MOGAT3: variants seen among roughly 807,000 people sequenced by gnomAD.
The protein encoded by MOGAT3 is 2-acylglycerol O-acyltransferase 3.
A neutral mutation model predicts 34.4 loss-of-function variants in MOGAT3; 39 were observed. The ratio of observed to expected loss-of-function variants is 1.13; its 90% CI spans 0.88 to 1.48. The LOEUF is 1.48. Among genes scored for constraint, MOGAT3 ranks in the 40% most tolerant of loss-of-function variants. MOGAT3 has a pLI of 0.00. For synonymous variants in MOGAT3, 209 were observed against 179.2 expected (o/e 1.17, Z -1.33); for missense variants, 439 against 438.9 (o/e 1.00, Z 0.00).
chr7:101,199,000 GT>G (rs56137538), intron 3 of MOGAT3, among the ~76,000 whole-genome samples, 170 bp from the exon 4 acceptor site: 58,631 of 100,056 alleles, frequency 0.59, 15,563 homozygotes, highest in East Asian at 0.71. Context: ...AAGGGCCCAG[GT>G]TTTTTTTTTT....
chr7:101,198,277 C>T lies in MOGAT3; in HGVS notation c.582G>A (p.Ala194=). ...GQAVVIMVGG[A]HEALYSVPGE... Reference sequence around the variant, plus strand: ...CGGGGACTGAATACAGGGCCTCGTGCGCACCCCCCACCATGATGACCACGG... The same window carrying T: ...CGGGGACTGAATACAGGGCCTCGTGTGCACCCCCCACCATGATGACCACGG... The change falls in exon 5 of 7, where the codon GCG becomes GCA. Residue 194 remains alanine (A), a synonymous_variant. Transcript: ENST00000223114. 2 of 1,610,216 alleles carry T rather than the reference C, an allele frequency of 1.2e-6. No individual in the cohort carries two copies. The highest frequency in any genetic ancestry group is 1.1e-5 in the South Asian group (1 of 90,760).
chr7:101,200,103 A>G, intron 3 of MOGAT3, 131 bp downstream of exon 3: 1 of 745,638 alleles, frequency 1.3e-6, no homozygotes, highest in South Asian at 1.6e-5. Context: ...AAAAAAAAAA[A>G]TCCATTCCCT....
At position 101,198,711 on chromosome 7, in the gene MOGAT3, C is replaced by A; in HGVS notation, c.408G>T (p.Gln136His). The change falls in exon 4 of 7, where the codon CAG becomes CAT. Residue 136 changes from glutamine (Q) to histidine (H), a missense_variant. Coordinates refer to ENST00000223114, the MANE Select transcript of MOGAT3 (RefSeq NM_178176.4). ...NFSTESNGFS[Q>H]LFPGLRPWLA... is the part of the protein sequence containing the mutation. ...ACCAGGGCCGGAGCCCCGGGAAGAGCTGGGAGAAGCCATTGCTCTCGGTGG... is the reference window on the plus strand; with the variant it reads ...ACCAGGGCCGGAGCCCCGGGAAGAGATGGGAGAAGCCATTGCTCTCGGTGG... 6.2e-7 allele frequency: 1 copy of A among 1,613,736 alleles called. No individual in the cohort carries two copies. Among genetic ancestry groups the A allele is most frequent in the Non-Finnish European group, 8.5e-7 (1 of 1,180,002 alleles).
At position 101,198,254 on chromosome 7, in the gene MOGAT3, G is replaced by A; in HGVS notation, c.605C>T (p.Pro202Leu). 2.5e-6 allele frequency: 4 copies of A among 1,613,604 alleles called. No individual in the cohort carries two copies. The highest frequency in any genetic ancestry group is 3.4e-6 in the Non-Finnish European group (4 of 1,179,754). ...GGAHEALYSV[P>L]GEHCLTLQKR... is the part of the protein sequence containing the mutation. The stretch of plus-strand genomic sequence containing the variant: ...CTGGAGCGTAAGGCAGTGCTCCCCG[G>A]GGACTGAATACAGGGCCTCGTGCGC... The change falls in exon 5 of 7, where the codon CCC becomes CTC. Residue 202 changes from proline (P) to leucine (L), a missense_variant. Pro to Leu is a moderately conservative substitution (Grantham distance 98). Coordinates refer to ENST00000223114, the MANE Select transcript of MOGAT3 (RefSeq NM_178176.4).
downstream of MOGAT3, among the ~76,000 whole-genome samples, chr7:101,193,620 G>A (rs1433248004): frequency 6.6e-6 from 1 of 151,992 alleles, no homozygotes; most frequent in African/African-American, 2.4e-5. Context: ...GTAGAGACGG[G>A]GTTCACTATG....
In MOGAT3 at chr7:101,198,681, G is replaced by T. The variant is rs770768928; in HGVS notation, c.438C>A (p.Ala146=). 3.7e-5 allele frequency: 60 copies of T among 1,613,420 alleles called. No individual in the cohort carries two copies. The highest frequency in any genetic ancestry group is 5.1e-5 in the Non-Finnish European group (60 of 1,180,022). ...GGAGGTAGAAGAGGCCAGCCAGCAC[G>T]GCTAACCAGGGCCGGAGCCCCGGGA... The part of the protein sequence containing the change: ...QLFPGLRPWL[A]VLAGLFYLPV... The change falls in exon 4 of 7, where the codon GCC becomes GCA. Residue 146 remains alanine, a synonymous_variant. Transcript: ENST00000223114.
At position 101,198,177 on chromosome 7, in the gene MOGAT3, G is replaced by T; in HGVS notation, c.668+14C>A. 6.2e-7 allele frequency: 1 copy of T among 1,604,584 alleles called. No individual in the cohort carries two copies. The highest frequency in any genetic ancestry group is 8.5e-7 in the Non-Finnish European group (1 of 1,174,894). Reference sequence around the variant, plus strand: ...AGCAGAGAACTGACAGGTAGGGCCTGCACGCGCACTCACCCGTGCCTCAGC... The same window carrying T: ...AGCAGAGAACTGACAGGTAGGGCCTTCACGCGCACTCACCCGTGCCTCAGC... On this transcript the variant is annotated intron_variant, in intron 5 of 6. Coordinates refer to ENST00000223114, the MANE Select transcript of MOGAT3 (RefSeq NM_178176.4).
intron 5 of MOGAT3, among the ~76,000 whole-genome samples, chr7:101,197,826 C>T (rs989520816): frequency 1.3e-5 from 2 of 152,122 alleles, no homozygotes; most frequent in South Asian, 4.1e-4. Flanking sequence ...CGAGACCACG[C>T]CTTTGCACTC....
chr7:101,193,006 A>T (rs967301571), downstream of MOGAT3, among the ~76,000 whole-genome samples: 2 of 152,126 alleles, frequency 1.3e-5, no homozygotes, highest in Non-Finnish European at 2.9e-5. Context: ...TGAACCCGGG[A>T]GGCGGAGCTT....
At chr7:101,193,522 G>A (rs889976058), downstream of MOGAT3, among the ~76,000 whole-genome samples, 5 of 151,596 alleles carry the variant, frequency 3.3e-5, no homozygotes, top group Admixed American at 6.6e-5. Flanking sequence ...CTCCGCCTCC[G>A]GGTTCAAGCG....
Position 101,195,530 on chromosome 7 carries a change from AGTCTTTT to A in MOGAT3, c.*409_*415del, listed in dbSNP as rs1797754212. The A allele has an allele frequency of 7.3e-6, 1 of 136,466 alleles. No homozygotes were observed. The highest frequency in any genetic ancestry group is 1.4e-5 in the Non-Finnish European group (1 of 69,816). The allele number at this position is 136,466 out of a possible 1,614,324, so 8.5% of individuals were successfully genotyped here. A position where few individuals can be genotyped will look rare whatever the true frequency, so the allele number is the denominator to read the frequency against. On this transcript the variant is annotated 3_prime_UTR_variant, in exon 7 of 7. Transcript: ENST00000223114. ...ACGCCCAGCCTACTACAGCTTTAAC[AGTCTTTT>A]TTTTTTTTTTTTTTTTTTTTTTGAG...
In MOGAT3 at chr7:101,200,533, A is replaced by C; in HGVS notation, c.110-18T>G. ...GAAAGGGCCTGGGGGAAGGGAGAGA[A>C]AGAAAAGAGTTCACTTCTGAAACTC... On this transcript the variant is annotated intron_variant, in intron 1 of 6. Transcript: ENST00000223114. 1 of 1,543,854 alleles carries C rather than the reference A, an allele frequency of 6.5e-7. No homozygotes were observed. Among genetic ancestry groups the C allele is most frequent in the South Asian group, 1.2e-5 (1 of 85,630 alleles).
downstream of MOGAT3, among the ~76,000 whole-genome samples, chr7:101,194,646 C>T (rs991260850): frequency 6.0e-5 from 9 of 150,988 alleles, no homozygotes; most frequent in African/African-American, 1.2e-4. Flanking sequence ...GGACTACAGG[C>T]GCCCGCCACC....
Position 101,200,501 on chromosome 7 carries a change from G to C in MOGAT3, c.124C>G (p.Leu42Val). 6.3e-7 allele frequency: 1 copy of C among 1,596,202 alleles called. No individual in the cohort carries two copies. Among genetic ancestry groups the C allele is most frequent in the Non-Finnish European group, 8.5e-7 (1 of 1,170,874 alleles). Reference sequence around the variant, plus strand: ...GTGAAGAGGAGGACAAAGACAAGAAGGGAGAAGAAAGGGCCTGGGGGAAGG... The same window carrying C: ...GTGAAGAGGAGGACAAAGACAAGAACGGAGAAGAAAGGGCCTGGGGGAAGG... ...TFLFMGPFFSLLVFVLLFTSL... is the reference protein window; with the variant it reads ...TFLFMGPFFSVLVFVLLFTSL... The change falls in exon 2 of 7, where the codon CTT (leucine) becomes GTT (valine). Residue 42 changes from leucine to valine, a missense_variant. Transcript: ENST00000223114.
At chr7:101,198,517 G>A in intron 4 of MOGAT3, 109 bp downstream of exon 4, 2 of 1,338,614 alleles carry the variant, frequency 1.5e-6, no homozygotes, top group South Asian at 1.4e-5. Flanking sequence ...TGCTCAGGCT[G>A]GCCCCTGTCC....
chr7:101,196,420 C>T, intron 5 of MOGAT3, 31 bp from the exon 6 acceptor site: 1 of 1,561,344 alleles, frequency 6.4e-7, no homozygotes, highest in Non-Finnish European at 8.7e-7. Context: ...AGAGGGGGCT[C>T]AGGCTGCTGG....
chr7:101,198,020 C>G (rs908601418), intron 5 of MOGAT3, among the ~76,000 whole-genome samples, 171 bp downstream of exon 5: 1 of 152,196 alleles, frequency 6.6e-6, no homozygotes, highest in Non-Finnish European at 1.5e-5. Context: ...TAAGCGGGCC[C>G]CATGTTTGGT....
chr7:101,198,582 T>C (rs3735337), intron 4 of MOGAT3, 44 bp downstream of exon 4: 1 of 1,574,320 alleles, frequency 6.4e-7, no homozygotes, highest in African/African-American at 1.4e-5. Flanking sequence ...GGGGAACATC[T>C]GGTCAGGAGT....
rs1297420907 is a variant in MOGAT3 at position 101,200,267 on chromosome 7, A to G, written c.255T>C (p.Ile85=). Residue 85 remains isoleucine (I), a synonymous_variant, in exon 3 of 7, where the codon ATT becomes ATC. Coordinates refer to ENST00000223114, the MANE Select transcript of MOGAT3 (RefSeq NM_178176.4). ...RRSEWIRNRA[I]WRQLRDYYPV... is the part of the protein sequence containing the mutation. ...GATAATAATCCCTTAGTTGTCTCCA[A>G]ATTGCCCGGTTCCTTATCCACTCCG... The G allele has an allele frequency of 1.2e-6, 2 of 1,613,952 alleles. No homozygotes were observed. The highest frequency in any genetic ancestry group is 8.5e-7 in the Non-Finnish European group (1 of 1,179,980).
Sources: gnomAD v4.1 joint callset for allele counts (sites outside exome capture counted in the v4.1 genomes callset) on GRCh38, gnomAD v4.1.1 for gene constraint, MANE v1.5 for transcripts, NCBI Gene and HGNC (gene_info 2026-07-23, HGNC 2026-07-21) for gene names.